Variants in MYRIP observed in about 807,000 individuals in gnomAD.
MYRIP encodes the protein rab effector MyRIP.
MYRIP carries 49 observed loss-of-function variants against 98.0 expected under a neutral mutation model. The observed-to-expected ratio is 0.50, with a 90% CI of 0.40 to 0.63. MYRIP has a LOEUF of 0.63. MYRIP is among the 30% of genes least tolerant of loss of function. MYRIP has a pLI of 0.00. For missense variants in MYRIP, 1,004 were observed against 1,058.2 expected (o/e 0.95, Z 0.71); for synonymous variants, 404 against 409.5 (o/e 0.99, Z 0.16).
At chr3:40,181,573 T>C (rs886721715) in intron 8 of MYRIP, among the ~76,000 whole-genome samples, 1 of 152,200 alleles carries the variant, frequency 6.6e-6, no homozygotes, top group Non-Finnish European at 1.5e-5. Context: ...TAAAATATAA[T>C]TCCTTCATTA....
rs367923067 is a variant in MYRIP at position 40,152,617 on chromosome 3, G to T, written c.469+1433G>T. Among the ~76,000 whole-genome samples the T allele has an allele frequency of 3.9e-5, 6 of 152,282 alleles. No individual in the cohort carries two copies. The East Asian group carries it at 1.2e-3, about 29-fold the overall frequency. On this transcript the variant is annotated intron_variant, in intron 4 of 16. Transcript: ENST00000302541. ...TGCCCTGATTGAAGCAGCTTTAGGTGCTGGGCCCTCTGTGATTCACCACTT... is the reference window on the plus strand; with the variant it reads ...TGCCCTGATTGAAGCAGCTTTAGGTTCTGGGCCCTCTGTGATTCACCACTT...
chr3:39,970,925 A>T (rs1230107188), intron 2 of MYRIP, among the ~76,000 whole-genome samples: 1 of 152,132 alleles, frequency 6.6e-6, no homozygotes, highest in Non-Finnish European at 1.5e-5. Context: ...CAACAACAAC[A>T]AAAAAGCAGA....
At chr3:40,251,800 A>C in intron 15 of MYRIP, 81 bp from the exon 16 acceptor site, 1 of 918,530 alleles carries the variant, frequency 1.1e-6, no homozygotes, top group South Asian at 1.4e-5. Flanking sequence ...AAGTCTGAGT[A>C]ATCTGGCCAC....
At chr3:39,847,830 G>A (rs1306340157) in intron 1 of MYRIP, among the ~76,000 whole-genome samples, 1 of 152,158 alleles carries the variant, frequency 6.6e-6, no homozygotes, top group Non-Finnish European at 1.5e-5. Flanking sequence ...GCAGGACCAT[G>A]TTATCTGTTA....
At chr3:40,116,763 T>C (rs1283217455) in intron 3 of MYRIP, among the ~76,000 whole-genome samples, 1 of 152,164 alleles carries the variant, frequency 6.6e-6, no homozygotes, top group African/African-American at 2.4e-5. Flanking sequence ...TAGCCACAAA[T>C]TAATACACAA....
chr3:40,134,791 G>A (rs569393778), intron 3 of MYRIP, among the ~76,000 whole-genome samples: 87 of 152,286 alleles, frequency 5.7e-4, no homozygotes, highest in Non-Finnish European at 9.0e-4. Context: ...GTGGACCTCC[G>A]GTGAACTCCA....
chr3:40,054,413 T>C (rs1575499204), intron 3 of MYRIP, among the ~76,000 whole-genome samples: 1 of 152,288 alleles, frequency 6.6e-6, no homozygotes, highest in Middle Eastern at 3.4e-3. Context: ...GGGACTATGA[T>C]GGTTAATTTT....
At chr3:40,046,434 G>A (rs1947669644) in intron 3 of MYRIP, among the ~76,000 whole-genome samples, 1 of 151,480 alleles carries the variant, frequency 6.6e-6, no homozygotes, top group South Asian at 2.1e-4. Context: ...GAATCTTTGT[G>A]ACCCAAATAG....
At chr3:39,999,028 A>C (rs750782273) in intron 2 of MYRIP, among the ~76,000 whole-genome samples, 39 of 152,334 alleles carry the variant, frequency 2.6e-4, no homozygotes, top group Middle Eastern at 3.4e-3. Context: ...AAATTAATTC[A>C]AGATGGATTA....
intron 2 of MYRIP, among the ~76,000 whole-genome samples, chr3:39,977,123 T>TAA (rs78955604): frequency 1.4e-3 from 214 of 151,310 alleles, no homozygotes; most frequent in African/African-American, 4.9e-3. Flanking sequence ...AGGTTTATTT[T>TAA]AAAAAAAAAC....
chr3:39,981,185 T>C (rs866473071), intron 2 of MYRIP, among the ~76,000 whole-genome samples: 1 of 152,204 alleles, frequency 6.6e-6, no homozygotes, highest in African/African-American at 2.4e-5. Flanking sequence ...TCAGAATCAG[T>C]GTCTGCATTT....
chr3:39,985,942 G>T (rs372700427), intron 2 of MYRIP, among the ~76,000 whole-genome samples: 2 of 151,838 alleles, frequency 1.3e-5, no homozygotes, highest in Admixed American at 6.6e-5. Context: ...GGCAACAAAA[G>T]CCAAAATTGA....
intron 3 of MYRIP, among the ~76,000 whole-genome samples, chr3:40,108,185 G>C (rs1424794851): frequency 8.4e-6 from 1 of 118,608 alleles, no homozygotes; most frequent in Admixed American, 8.5e-5. Flanking sequence ...GAGAGAGAGA[G>C]AGAGAGAGAG....
chr3:40,133,016 A>G (rs188758872), intron 3 of MYRIP, among the ~76,000 whole-genome samples: 2 of 152,356 alleles, frequency 1.3e-5, no homozygotes, highest in Non-Finnish European at 2.9e-5. Context: ...ACTGTGATAG[A>G]CTGACATGTG....
chr3:39,875,600 C>G (rs1351940377), intron 1 of MYRIP, among the ~76,000 whole-genome samples: 1 of 151,040 alleles, frequency 6.6e-6, no homozygotes, highest in Non-Finnish European at 1.5e-5. Context: ...TGTTATGTAC[C>G]CAGTAGTCAT....
chr3:40,217,807 T>C (rs1471185408), intron 11 of MYRIP, among the ~76,000 whole-genome samples: 1 of 152,198 alleles, frequency 6.6e-6, no homozygotes, highest in Non-Finnish European at 1.5e-5. Context: ...AAAACAAAGA[T>C]GTCTTCTACT....
At chr3:39,979,624 G>A (rs1043239575) in intron 2 of MYRIP, among the ~76,000 whole-genome samples, 4 of 144,500 alleles carry the variant, frequency 2.8e-5, no homozygotes, top group Admixed American at 7.1e-5. Flanking sequence ...GGCAACAAGA[G>A]TGAAACTACA....
chr3:39,852,607 A>AG (rs1190689631), intron 1 of MYRIP, among the ~76,000 whole-genome samples: 1 of 151,772 alleles, frequency 6.6e-6, no homozygotes, highest in African/African-American at 2.4e-5. Context: ...CTCATAGCCT[A>AG]GCTCTCACAA....
intron 4 of MYRIP, among the ~76,000 whole-genome samples, chr3:40,153,036 T>C (rs765195341): frequency 6.6e-5 from 10 of 151,894 alleles, no homozygotes; most frequent in South Asian, 4.1e-4. Flanking sequence ...GGAAGATCAC[T>C]TGAGCCCAGG....
Sources: allele counts gnomAD v4.1 joint callset (sites outside exome capture counted in the v4.1 genomes callset), GRCh38; gene constraint gnomAD v4.1.1; transcripts MANE v1.5; gene names NCBI Gene and HGNC (gene_info 2026-07-23, HGNC 2026-07-21).